PTPRN2: variants seen among roughly 807,000 people sequenced by gnomAD.
PTPRN2 encodes the protein protein tyrosine phosphatase receptor type N2, also known as receptor-type tyrosine-protein phosphatase N2.
In PTPRN2, 74 loss-of-function variants were observed where a neutral mutation model predicts 118.8. That is an observed-to-expected ratio of 0.62 (90% CI 0.52 to 0.76). PTPRN2 has a LOEUF of 0.76. Among genes scored for constraint, PTPRN2 ranks in the 30% least tolerant of loss-of-function variants. The probability of loss-of-function intolerance (pLI) is 0.00; values close to 1 mark genes in which losing one functional copy is unlikely to be tolerated. For synonymous variants in PTPRN2, 641 were observed against 608.0 expected (o/e 1.05, Z -0.80); for missense variants, 1,481 against 1,394.4 (o/e 1.06, Z -0.99).
Position 158,192,495 on chromosome 7 carries a change from C to T in PTPRN2, c.381G>A (p.Arg127=). The part of the protein sequence containing the change: ...LRRPEASSPA[R]PSKHSVGSER... The stretch of plus-strand genomic sequence containing the variant: ...CGCTGCCAACGCTGTGTTTTGAGGG[C>T]CTGAAAAAGCAAAAGAAACCAGACA... The change falls in exon 5 of 23, where the codon AGG becomes AGA. Residue 127 remains arginine (R), a splice_region_variant and synonymous_variant. Coordinates refer to ENST00000389418, the MANE Select transcript of PTPRN2 (RefSeq NM_002847.5). 6.3e-7 allele frequency: 1 copy of T among 1,578,496 alleles called. No individual in the cohort carries two copies. The highest frequency in any genetic ancestry group is 1.2e-5 in the South Asian group (1 of 85,868).
chr7:157,897,412 A>G (rs1430683698), intron 12 of PTPRN2, among the ~76,000 whole-genome samples: 1 of 151,768 alleles, frequency 6.6e-6, no homozygotes, highest in Non-Finnish European at 1.5e-5. Flanking sequence ...CTTCTTTCTC[A>G]CCCTTCACTG....
intron 19 of PTPRN2, among the ~76,000 whole-genome samples, chr7:157,573,116 T>G (rs1197117825): frequency 6.6e-6 from 1 of 152,240 alleles, no homozygotes; most frequent in African/African-American, 2.4e-5. Context: ...CGAGGGCTCC[T>G]GATGACAGAA....
At chr7:158,273,839 CAG>C (rs1798728835) in intron 3 of PTPRN2, among the ~76,000 whole-genome samples, 3 of 115,476 alleles carry the variant, frequency 2.6e-5, no homozygotes, top group East Asian at 2.9e-4. Flanking sequence ...GCCGCAGACA[CAG>C]GGGGAGCCGC....
At chr7:158,243,659 A>G (rs1796019807) in intron 3 of PTPRN2, among the ~76,000 whole-genome samples, 1 of 152,182 alleles carries the variant, frequency 6.6e-6, no homozygotes. Context: ...CCACACAGAG[A>G]GCAGGCTCTG....
intron 5 of PTPRN2, among the ~76,000 whole-genome samples, chr7:158,190,988 T>C (rs1585796581): frequency 6.6e-6 from 1 of 152,248 alleles, no homozygotes; most frequent in East Asian, 1.9e-4. Flanking sequence ...GTGCCTCAGC[T>C]TCCTCACCTG....
At chr7:158,311,856 C>T (rs1259805091) in intron 3 of PTPRN2, among the ~76,000 whole-genome samples, 3 of 152,042 alleles carry the variant, frequency 2.0e-5, no homozygotes, top group Non-Finnish European at 4.4e-5. Flanking sequence ...CACACACTCA[C>T]ATGCTCATGT....
chr7:158,265,508 T>G (rs1220716665), intron 3 of PTPRN2, among the ~76,000 whole-genome samples: 1 of 151,984 alleles, frequency 6.6e-6, no homozygotes, highest in Non-Finnish European at 1.5e-5. Flanking sequence ...CACCCACAGG[T>G]GCATATATCC....
chr7:157,831,398 A>T lies in PTPRN2; in HGVS notation c.1788+67275T>A, dbSNP rs1807555051. Among the ~76,000 whole-genome samples the T allele has an allele frequency of 6.6e-6, 1 of 152,184 alleles. No homozygotes were observed. Among genetic ancestry groups the T allele is most frequent in the Non-Finnish European group, 1.5e-5 (1 of 68,034 alleles). On this transcript the variant is annotated intron_variant, in intron 12 of 22. Coordinates refer to ENST00000389418, the MANE Select transcript of PTPRN2 (RefSeq NM_002847.5). The surrounding 1 kb of genome is among the most constrained non-coding windows in gnomAD (Gnocchi z 4.8). Reference sequence around the variant, plus strand: ...GTTTTCTGTTATTTCTTCCCGAAGCATCTTAACTGATGCGGGTTCTGTGTC... The same window carrying T: ...GTTTTCTGTTATTTCTTCCCGAAGCTTCTTAACTGATGCGGGTTCTGTGTC...
chr7:157,806,598 G>A (rs1805649972), intron 12 of PTPRN2, among the ~76,000 whole-genome samples: 1 of 152,138 alleles, frequency 6.6e-6, no homozygotes, highest in Non-Finnish European at 1.5e-5. Flanking sequence ...ACATCTGTGT[G>A]CCCATAAAGA....
chr7:158,169,470 G>T (rs1323874112), intron 5 of PTPRN2, among the ~76,000 whole-genome samples: 1 of 148,472 alleles, frequency 6.7e-6, no homozygotes, highest in Non-Finnish European at 1.5e-5. Context: ...TAGTAGAAAT[G>T]GGGTTTTACT....
At chr7:158,569,548 G>A (rs1007105349) in intron 1 of PTPRN2, among the ~76,000 whole-genome samples, 17 of 152,222 alleles carry the variant, frequency 1.1e-4, no homozygotes, top group African/African-American at 3.9e-4. Context: ...GGTCCTGCTG[G>A]GCCCCTCACC....
chr7:158,228,702 A>G (rs1291032187), intron 3 of PTPRN2, among the ~76,000 whole-genome samples: 1 of 152,134 alleles, frequency 6.6e-6, no homozygotes, highest in African/African-American at 2.4e-5. Flanking sequence ...ATCCCTCCTC[A>G]TAATCTGTTT....
At chr7:158,250,357 A>G (rs919720740) in intron 3 of PTPRN2, among the ~76,000 whole-genome samples, 13 of 152,144 alleles carry the variant, frequency 8.5e-5, no homozygotes, top group Middle Eastern at 3.2e-3. Context: ...ATTTATTGTT[A>G]TACATTTATA....
At chr7:158,536,023 CA>C (rs1183160608) in intron 1 of PTPRN2, among the ~76,000 whole-genome samples, 1 of 151,032 alleles carries the variant, frequency 6.6e-6, no homozygotes, top group African/African-American at 2.4e-5. Context: ...CATAACCACA[CA>C]AAACACTCAA....
At chr7:158,086,275 G>A (rs911708606) in intron 10 of PTPRN2, among the ~76,000 whole-genome samples, 1 of 152,026 alleles carries the variant, frequency 6.6e-6, no homozygotes, top group East Asian at 1.9e-4. Context: ...CACAATGATA[G>A]AAACCAGGCC....
intron 9 of PTPRN2, among the ~76,000 whole-genome samples, chr7:158,122,119 G>T (rs1029531922): frequency 6.6e-6 from 1 of 152,206 alleles, no homozygotes; most frequent in African/African-American, 2.4e-5. Context: ...CACTAATATT[G>T]CCGTAGAAGA....
intron 14 of PTPRN2, among the ~76,000 whole-genome samples, chr7:157,630,375 C>T (rs1276769156): frequency 6.6e-6 from 1 of 152,206 alleles, no homozygotes; most frequent in Non-Finnish European, 1.5e-5. Flanking sequence ...TAAGAAAGCT[C>T]TTCCTGAAAC....
At position 157,861,185 on chromosome 7, in the gene PTPRN2, G is replaced by A. The variant is rs193279613; in HGVS notation, c.1788+37488C>T. On this transcript the variant is annotated intron_variant, in intron 12 of 22. Transcript: ENST00000389418. This position sits in a 1 kb window ranked among gnomAD's most constrained non-coding sequence, Gnocchi z 5.8. ...GCCAGCTCAGGGAGGCACCCTGTGC[G>A]TGCTCCATGGTGACACTGCCCCACG... Among the ~76,000 whole-genome samples, 47 of 152,340 alleles carry A rather than the reference G, an allele frequency of 3.1e-4. No homozygotes were observed. The highest frequency in any genetic ancestry group is 4.6e-4 in the Admixed American group (7 of 15,308).
intron 9 of PTPRN2, among the ~76,000 whole-genome samples, chr7:158,131,458 C>T (rs556183445): frequency 6.7e-6 from 1 of 150,174 alleles, no homozygotes; most frequent in Admixed American, 6.6e-5. Flanking sequence ...AACACATCTA[C>T]CTGACACACG....
Sources: allele counts gnomAD v4.1 joint callset (sites outside exome capture counted in the v4.1 genomes callset), GRCh38; gene constraint gnomAD v4.1.1; non-coding constraint Gnocchi (gnomAD v3.1); transcripts MANE v1.5; gene names NCBI Gene and HGNC (gene_info 2026-07-23, HGNC 2026-07-21).